The following PIGK variants were observed in gnomAD, a reference collection of about 807,000 sequenced individuals.
The protein encoded by PIGK is phosphatidylinositol glycan anchor biosynthesis class K, also known as GPI-anchor transamidase.
In PIGK, 42 loss-of-function variants were observed where a neutral mutation model predicts 50.6. The ratio of observed to expected loss-of-function variants is 0.83; its 90% CI spans 0.65 to 1.07. The LOEUF (loss-of-function observed/expected upper bound fraction) is 1.07. Among genes scored for constraint, PIGK ranks in the 50% least tolerant of loss-of-function variants. The pLI is 0.00. For missense variants in PIGK, 448 were observed against 488.7 expected, an observed-to-expected ratio of 0.92 and a Z score of 0.78; for synonymous variants, 151 against 156.0, an observed-to-expected ratio of 0.97 and a Z score of 0.24.
At chr1:77,211,851 C>T (rs1349226534) in intron 1 of PIGK, among the ~76,000 whole-genome samples, 1 of 149,242 alleles carries the variant, frequency 6.7e-6, no homozygotes, top group African/African-American at 2.5e-5. Context: ...AGAGAGGGGC[C>T]TGATTGCTTT....
At chr1:77,108,799 C>CT (rs1653762611) in intron 10 of PIGK, among the ~76,000 whole-genome samples, 1 of 152,108 alleles carries the variant, frequency 6.6e-6, no homozygotes, top group Admixed American at 6.5e-5. Flanking sequence ...TCTTTCTATT[C>CT]TTTTTTCTCT....
At chr1:77,218,410 G>A (rs1656634722) in intron 1 of PIGK, among the ~76,000 whole-genome samples, 1 of 152,102 alleles carries the variant, frequency 6.6e-6, no homozygotes. Context: ...GGAGAGGTGA[G>A]GGCAATTTTA....
At chr1:77,204,515 C>T (rs918689496) in intron 3 of PIGK, among the ~76,000 whole-genome samples, 2 of 152,156 alleles carry the variant, frequency 1.3e-5, no homozygotes, top group African/African-American at 4.8e-5. Flanking sequence ...CTGTGACCCA[C>T]ACCCTATTCG....
chr1:77,146,783 C>T (rs1338095838), intron 9 of PIGK, among the ~76,000 whole-genome samples: 2 of 151,368 alleles, frequency 1.3e-5, no homozygotes, highest in South Asian at 4.2e-4. Flanking sequence ...GGCGACACAG[C>T]GAGACTCTGT....
At chr1:77,104,995 G>A (rs1300391839) in intron 10 of PIGK, among the ~76,000 whole-genome samples, 2 of 152,214 alleles carry the variant, frequency 1.3e-5, no homozygotes, top group Non-Finnish European at 1.5e-5. Context: ...TAAAAGGCTG[G>A]TGTGAGAGCC....
intron 1 of PIGK, among the ~76,000 whole-genome samples, chr1:77,212,589 G>A (rs946495536): frequency 4.6e-5 from 7 of 152,022 alleles, no homozygotes; most frequent in South Asian, 2.1e-4. Flanking sequence ...CTATAAACAC[G>A]CATAGACAAA....
chr1:77,194,877 C>T (rs1655995234), intron 3 of PIGK: 1 of 443,734 alleles, frequency 2.3e-6, no homozygotes, highest in African/African-American at 2.0e-5. Flanking sequence ...ACAAAACCAA[C>T]CTGATATTTC....
chr1:77,136,373 C>CA (rs1654514829), intron 9 of PIGK, among the ~76,000 whole-genome samples: 1 of 151,346 alleles, frequency 6.6e-6, no homozygotes, highest in East Asian at 1.9e-4. Flanking sequence ...ACTAAAAATA[C>CA]AAAAAATTAG....
At chr1:77,217,740 T>C (rs1656603460) in intron 1 of PIGK, among the ~76,000 whole-genome samples, 1 of 152,114 alleles carries the variant, frequency 6.6e-6, no homozygotes, top group Non-Finnish European at 1.5e-5. Flanking sequence ...TTATAGTAAA[T>C]GAGTGCTGTA....
intron 1 of PIGK, among the ~76,000 whole-genome samples, chr1:77,216,632 T>G (rs113693541): frequency 1.3e-4 from 19 of 151,988 alleles, no homozygotes; most frequent in South Asian, 4.2e-4. Context: ...CATGTGTGTG[T>G]GGGGGGGTGT....
At chr1:77,145,738 C>T (rs1654753364) in intron 9 of PIGK, among the ~76,000 whole-genome samples, 1 of 151,428 alleles carries the variant, frequency 6.6e-6, no homozygotes, top group Non-Finnish European at 1.5e-5. Flanking sequence ...ACCTAGAACA[C>T]TGAAAACAAC....
Position 77,195,164 on chromosome 1 carries a change from G to A in PIGK, c.239+11476C>T, listed in dbSNP as rs1557427905. The A allele has an allele frequency of 4.8e-6, 6 of 1,237,470 alleles. No homozygotes were observed. In the East Asian group the frequency reaches 1.5e-4, roughly 32 times the overall value. 76.7% of individuals were successfully genotyped at this position (1,237,470 alleles called of 1,614,324 possible). On this transcript the variant is annotated intron_variant, in intron 3 of 10. Transcript: ENST00000370812. ...ATGAATATCATTGCCAATGAGATTG[G>A]GTCAGAGGAGACCCTCCTGTTCTTA...
chr1:77,195,444 G>A, intron 3 of PIGK: 5 of 953,380 alleles, frequency 5.2e-6, no homozygotes, highest in East Asian at 2.6e-5. Context: ...GGAATCTTTT[G>A]GTCAATAAAA....
intron 6 of PIGK, among the ~76,000 whole-genome samples, chr1:77,162,342 T>C (rs2100556222): frequency 1.3e-5 from 2 of 152,258 alleles, no homozygotes; most frequent in East Asian, 3.9e-4. Flanking sequence ...TATTTTGTTT[T>C]ACAGAGAAAA....
At chr1:77,173,153 A>G (rs534977136) in intron 3 of PIGK, among the ~76,000 whole-genome samples, 48 of 152,290 alleles carry the variant, frequency 3.2e-4, no homozygotes, top group Middle Eastern at 6.8e-3. Flanking sequence ...GAAGCAGTGA[A>G]GTCTTACAGA....
At chr1:77,150,283 C>G (rs12083834) in intron 9 of PIGK, among the ~76,000 whole-genome samples, 26,558 of 151,748 alleles carry the variant, frequency 0.18, 2,520 homozygotes, top group East Asian at 0.36. Flanking sequence ...TTTGGGAGGC[C>G]AAGGTGGGAG....
chr1:77,179,740 T>G (rs553157165), intron 3 of PIGK, among the ~76,000 whole-genome samples: 1 of 152,226 alleles, frequency 6.6e-6, no homozygotes, highest in Admixed American at 6.5e-5. Context: ...AAGTTTTTCT[T>G]TTAATACACT....
At chr1:77,210,588 AACAATCAT>A in intron 1 of PIGK, 99 bp from the exon 2 acceptor site, 1 of 648,298 alleles carries the variant, frequency 1.5e-6, no homozygotes, top group Non-Finnish European at 2.7e-6. Context: ...CAGTTGTAAT[AACAATCAT>A]CTTACGTAAG....
intron 3 of PIGK, among the ~76,000 whole-genome samples, chr1:77,203,789 C>T (rs1475326569): frequency 6.6e-6 from 1 of 152,120 alleles, no homozygotes; most frequent in African/African-American, 2.4e-5. Context: ...TTACTGCAAT[C>T]TCTGAACATA....
Sources: allele counts gnomAD v4.1 joint callset (sites outside exome capture counted in the v4.1 genomes callset), GRCh38; gene constraint gnomAD v4.1.1; transcripts MANE v1.5; gene names NCBI Gene and HGNC (gene_info 2026-07-23, HGNC 2026-07-21).